The following TTC21A variants were observed in gnomAD, a reference collection of about 807,000 sequenced individuals.
The protein encoded by TTC21A is tetratricopeptide repeat domain 21A, also known as tetratricopeptide repeat protein 21A.
TTC21A carries 128 observed loss-of-function variants against 156.4 expected under a neutral mutation model. The ratio of observed to expected loss-of-function variants is 0.82; its 90% CI spans 0.71 to 0.95. The LOEUF is 0.95. Ranked by LOEUF, TTC21A falls within the 40% of genes least tolerant of loss-of-function variation. TTC21A has a pLI of 0.00. For missense variants in TTC21A, 1,435 were observed against 1,602.3 expected, an observed-to-expected ratio of 0.90 and a Z score of 1.78; for synonymous variants, 587 against 617.1, an observed-to-expected ratio of 0.95 and a Z score of 0.72.
chr3:39,126,474 CTACACACACACACACA>C lies in TTC21A; in HGVS notation c.1522+85_1522+100del, dbSNP rs1260527291. ...GTCTGCAGGCTCCTTGCCTAGGATA[CTACACACACACACACA>C]CACACACACACACACACACACACAC... On this transcript the variant is annotated intron_variant, in intron 12 of 28. Coordinates refer to ENST00000683103, the MANE Select transcript of TTC21A (RefSeq NM_001366900.1). 5 of 815,600 alleles carry C rather than the reference CTACACACACACACACA, an allele frequency of 6.1e-6. No individual in the cohort carries two copies. In the African/African-American group the frequency reaches 6.5e-5, roughly 11 times the overall value. 50.5% of individuals were successfully genotyped at this position (815,600 alleles called of 1,614,324 possible).
chr3:39,126,247 C>T lies in TTC21A; in HGVS notation c.1393-14C>T. On this transcript the variant is annotated splice_polypyrimidine_tract_variant and intron_variant, in intron 11 of 28. Transcript: ENST00000683103. Reference sequence around the variant, plus strand: ...GGCAAACCTACTCCCACCTCCACCGCCGTGTTCCCACAGCCCAGGTTACCA... The same window carrying T: ...GGCAAACCTACTCCCACCTCCACCGTCGTGTTCCCACAGCCCAGGTTACCA... 1 of 1,614,028 alleles carries T rather than the reference C, an allele frequency of 6.2e-7. No individual in the cohort carries two copies. The highest frequency in any genetic ancestry group is 8.5e-7 in the Non-Finnish European group (1 of 1,179,958).
intron 12 of TTC21A, among the ~76,000 whole-genome samples, chr3:39,126,815 ACTT>A (rs1420569683): frequency 6.6e-6 from 1 of 152,068 alleles, no homozygotes. Flanking sequence ...TAGTTATTGA[ACTT>A]CTTCTGAGAT....
chr3:39,138,787 A>G lies in TTC21A; in HGVS notation c.3941A>G (p.Ter1314TrpextTer9). 6.2e-7 allele frequency: 1 copy of G among 1,613,838 alleles called. No homozygotes were observed. The highest frequency in any genetic ancestry group is 1.1e-5 in the South Asian group (1 of 91,054). The change falls in exon 29 of 29, where the codon TAG becomes TGG. Residue 1314 changes from the stop codon to tryptophan (W), a stop_lost. Transcript: ENST00000683103. ...LEKARRSLRP[*>W] is the part of the protein sequence containing the mutation. ...AAGGCCCGAAGGTCCCTGAGGCCCT[A>G]GCTGGGGTCAAGGGGCCTGGACCAG...
chr3:39,121,314 A>T, intron 9 of TTC21A, 125 bp downstream of exon 9: 1 of 781,638 alleles, frequency 1.3e-6, no homozygotes, highest in South Asian at 1.8e-5. Flanking sequence ...TTGGGGTACA[A>T]TGTATGATGG....
chr3:39,128,453 C>T lies in TTC21A; in HGVS notation c.1645C>T (p.His549Tyr). 1 of 1,614,194 alleles carries T rather than the reference C, an allele frequency of 6.2e-7. No homozygotes were observed. The highest frequency in any genetic ancestry group is 8.5e-7 in the Non-Finnish European group (1 of 1,180,042). The change falls in exon 13 of 29, where the codon CAC becomes TAC. Residue 549 changes from histidine to tyrosine, a missense_variant. Transcript: ENST00000683103. ...TCAGGGCAACTTTGGCATGTGCTTCCACTGCTTAGAGCTGGGTGTCAGCCA... is the reference window on the plus strand; with the variant it reads ...TCAGGGCAACTTTGGCATGTGCTTCTACTGCTTAGAGCTGGGTGTCAGCCA... ...LAQGNFGMCFHCLELGVSHNF... is the reference protein window; with the variant it reads ...LAQGNFGMCFYCLELGVSHNF...
chr3:39,125,288 C>T, intron 10 of TTC21A, 44 bp from the exon 11 acceptor site: 1 of 1,598,168 alleles, frequency 6.3e-7, no homozygotes, highest in Non-Finnish European at 8.6e-7. Flanking sequence ...ACCAAATCTG[C>T]CCAGGCTGAC....
Position 39,136,827 on chromosome 3 carries a change from G to A in TTC21A, c.3096-72G>A, listed in dbSNP as rs369583063. 5 of 1,551,644 alleles carry A rather than the reference G, an allele frequency of 3.2e-6. No homozygotes were observed. The African/African-American group carries it at 6.8e-5, about 21-fold the overall frequency. ...TCTGCTTTGTGCAGACTCACAAAGT[G>A]GTCCTTGTATATCCCTGCCCTGTCT... On this transcript the variant is annotated intron_variant, in intron 23 of 28. Transcript: ENST00000683103.
At chr3:39,123,021 G>T (rs1038774597) in intron 9 of TTC21A, among the ~76,000 whole-genome samples, 1 of 152,154 alleles carries the variant, frequency 6.6e-6, no homozygotes, top group South Asian at 2.1e-4. Context: ...AAGGTTGGCC[G>T]AGTGGAACAT....
Position 39,134,305 on chromosome 3 carries a change from C to T in TTC21A, c.2839C>T (p.Gln947Ter). The change falls in exon 21 of 29, where the codon CAG becomes TAG. Residue 947 changes from glutamine (Q) to a stop codon, truncating the protein, a stop_gained. Transcript: ENST00000683103. LOFTEE classifies it high-confidence loss of function. This position sits in a 1 kb window ranked among gnomAD's most constrained non-coding sequence, Gnocchi z 4.6. ...QHCAILLQTE[Q>*]NHETASVLMA... The stretch of plus-strand genomic sequence containing the variant: ...CTGTGCCATCCTCCTGCAGACTGAG[C>T]AGAACCATGAGACCGCTTCTGTGGT... The T allele has an allele frequency of 6.2e-7, 1 of 1,613,716 alleles. No homozygotes were observed. Among genetic ancestry groups the T allele is most frequent in the Non-Finnish European group, 8.5e-7 (1 of 1,179,638 alleles).
At chr3:39,128,282 T>G in intron 12 of TTC21A, 49 bp from the exon 13 acceptor site, 1 of 1,595,634 alleles carries the variant, frequency 6.3e-7, no homozygotes, top group Non-Finnish European at 8.6e-7. Flanking sequence ...TATCAGGTCT[T>G]AGGAGCCCTT....
intron 5 of TTC21A, 59 bp from the exon 6 acceptor site, chr3:39,114,526 A>G: frequency 6.4e-7 from 1 of 1,570,768 alleles, no homozygotes; most frequent in Admixed American, 1.7e-5. Flanking sequence ...ACCCCCCTCC[A>G]GCAAACTCCC....
chr3:39,134,146 G>A lies in TTC21A; in HGVS notation c.2752-72G>A, dbSNP rs1359347580. On this transcript the variant is annotated intron_variant, in intron 20 of 28. Coordinates refer to ENST00000683103, the MANE Select transcript of TTC21A (RefSeq NM_001366900.1). This position sits in a 1 kb window ranked among gnomAD's most constrained non-coding sequence, Gnocchi z 4.6. ...ATAGAAGTGGGGTGTGAGGGAAAGA[G>A]CTGTCAAGGATAACCCCAGGGGTTT... 3 of 917,526 alleles carry A rather than the reference G, an allele frequency of 3.3e-6. No homozygotes were observed. The East Asian group carries it at 7.3e-5, about 22-fold the overall frequency. 56.8% of individuals were successfully genotyped at this position (917,526 alleles called of 1,614,324 possible).
At chr3:39,122,847 C>T (rs1431300268) in intron 9 of TTC21A, among the ~76,000 whole-genome samples, 1 of 152,194 alleles carries the variant, frequency 6.6e-6, no homozygotes, top group Non-Finnish European at 1.5e-5. Context: ...GAGGAAAGTC[C>T]ACTGGTCAGG....
intron 26 of TTC21A, 46 bp from the exon 27 acceptor site, chr3:39,138,221 G>T: frequency 6.2e-7 from 1 of 1,612,264 alleles, no homozygotes; most frequent in South Asian, 1.1e-5. Flanking sequence ...CAGGGAACCA[G>T]TTGGGGCTTC....
In TTC21A at chr3:39,130,478, C is replaced by T. The variant is rs1416757423; in HGVS notation, c.2319+120C>T. 3.1e-6 allele frequency: 3 copies of T among 952,424 alleles called. No individual in the cohort carries two copies. Among genetic ancestry groups the T allele is most frequent in the Admixed American group, 2.6e-5 (1 of 38,516 alleles). 59.0% of individuals were successfully genotyped at this position (952,424 alleles called of 1,614,324 possible). Reference sequence around the variant, plus strand: ...GAGTGGCTGACTTTTCACTCAGCTCCTTGCTGAATGGGGTGCCAAGGGGAG... The same window carrying T: ...GAGTGGCTGACTTTTCACTCAGCTCTTTGCTGAATGGGGTGCCAAGGGGAG... On this transcript the variant is annotated intron_variant, in intron 17 of 28. Transcript: ENST00000683103. This position sits in a 1 kb window ranked among gnomAD's most constrained non-coding sequence, Gnocchi z 4.5.
rs2039273296 is a variant in TTC21A at position 39,138,124 on chromosome 3, C to T, written c.3676-143C>T. 3.1e-6 allele frequency: 4 copies of T among 1,271,272 alleles called. No individual in the cohort carries two copies. In the Admixed American group the frequency reaches 9.1e-5, roughly 29 times the overall value. 78.7% of individuals were successfully genotyped at this position (1,271,272 alleles called of 1,614,324 possible). ...TGGCTTCTTGCAAAGGTTGGGGTAC[C>T]CCTGGGGTCCCTTGGCAGTTTGGTT... On this transcript the variant is annotated intron_variant, in intron 26 of 28. Transcript: ENST00000683103.
chr3:39,130,239 C>T lies in TTC21A; in HGVS notation c.2209-9C>T. On this transcript the variant is annotated splice_polypyrimidine_tract_variant and intron_variant, in intron 16 of 28. Transcript: ENST00000683103. This position sits in a 1 kb window ranked among gnomAD's most constrained non-coding sequence, Gnocchi z 4.5. ...GAAGAGGAAGACCCAAAGACACTTT[C>T]CCCACCAGCCCGAGAAGGCCCTGGA... 1.2e-6 allele frequency: 2 copies of T among 1,612,394 alleles called. No homozygotes were observed. The highest frequency in any genetic ancestry group is 1.7e-6 in the Non-Finnish European group (2 of 1,178,906).
chr3:39,113,760 G>A (rs1248554594), intron 5 of TTC21A, among the ~76,000 whole-genome samples: 3 of 152,254 alleles, frequency 2.0e-5, no homozygotes, highest in Admixed American at 1.3e-4. Flanking sequence ...TATAAAGCCA[G>A]TCTTCTACTG....
Position 39,128,325 on chromosome 3 carries a change from T to A in TTC21A, c.1523-6T>A, listed in dbSNP as rs760092521. 6.2e-7 allele frequency: 1 copy of A among 1,613,856 alleles called. No individual in the cohort carries two copies. The highest frequency in any genetic ancestry group is 1.3e-5 in the African/African-American group (1 of 75,034). On this transcript the variant is annotated splice_polypyrimidine_tract_variant and splice_region_variant and intron_variant, in intron 12 of 28. Transcript: ENST00000683103. ...CTGCATGTAGAGGTTTGTGTATTAT[T>A]TCTAGGAGAGCTAGAGAATGCCCAG...
Sources: allele counts gnomAD v4.1 joint callset (sites outside exome capture counted in the v4.1 genomes callset), GRCh38; gene constraint gnomAD v4.1.1; non-coding constraint Gnocchi (gnomAD v3.1); transcripts MANE v1.5; gene names NCBI Gene and HGNC (gene_info 2026-07-23, HGNC 2026-07-21).